Variants in SRGAP1 observed in about 807,000 individuals in gnomAD.
SRGAP1 encodes the protein SLIT-ROBO Rho GTPase activating protein 1, also known as SLIT-ROBO Rho GTPase-activating protein 1.
Under a neutral mutation model 121.9 loss-of-function variants are expected in SRGAP1, and 43 were observed. The observed-to-expected ratio is 0.35, with a 90% CI of 0.28 to 0.46. The LOEUF (loss-of-function observed/expected upper bound fraction) is 0.46. Ranked by LOEUF, SRGAP1 falls within the 20% of genes least tolerant of loss-of-function variation. SRGAP1 has a pLI of 1.00. For synonymous variants in SRGAP1, 447 were observed against 485.4 expected (o/e 0.92, Z 1.04); for missense variants, 1,102 against 1,350.9 (o/e 0.82, Z 2.89).
intron 4 of SRGAP1, among the ~76,000 whole-genome samples, chr12:64,028,789 C>G (rs940728288): frequency 3.3e-5 from 5 of 152,172 alleles, no homozygotes; most frequent in Non-Finnish European, 5.9e-5. Flanking sequence ...CTGTCATCAC[C>G]TTGGGAAGTT....
chr12:63,906,991 G>A (rs965393841), intron 1 of SRGAP1, among the ~76,000 whole-genome samples: 2 of 151,620 alleles, frequency 1.3e-5, no homozygotes, highest in Non-Finnish European at 2.9e-5. Context: ...TTTCCAAAAT[G>A]GAAACACAAA....
rs747459133 is a variant in SRGAP1, at chr12:63,911,915, A to G, written c.67+67032A>G. Among the ~76,000 whole-genome samples the G allele has an allele frequency of 1.1e-4, 16 of 152,062 alleles. No individual in the cohort carries two copies. In the Middle Eastern group the frequency reaches 0.01, roughly 97 times the overall value. On this transcript the variant is annotated intron_variant, in intron 1 of 21. Transcript: ENST00000355086. Reference sequence around the variant, plus strand: ...TCCATTGATTTTCCTTAGTCATTTTACTCCAGAGGCCTATAATTAGCTCTA... The same window carrying G: ...TCCATTGATTTTCCTTAGTCATTTTGCTCCAGAGGCCTATAATTAGCTCTA...
At chr12:63,973,249 A>G (rs2033007453) in intron 1 of SRGAP1, among the ~76,000 whole-genome samples, 1 of 152,222 alleles carries the variant, frequency 6.6e-6, no homozygotes, top group South Asian at 2.1e-4. Context: ...TATACATTCT[A>G]ATATATTCTA....
chr12:63,982,774 T>C (rs975409296), intron 1 of SRGAP1: 1 of 152,242 alleles, frequency 6.6e-6, no homozygotes, highest in Non-Finnish European at 1.5e-5. Context: ...ACTTAGGTCT[T>C]AGAACAAAAA....
At chr12:63,922,299 C>A (rs117469084) in intron 1 of SRGAP1, among the ~76,000 whole-genome samples, 2,842 of 152,220 alleles carry the variant, frequency 0.019, 45 homozygotes, top group Admixed American at 0.033. Flanking sequence ...GATTTCTAAT[C>A]TATGGAATTT....
At chr12:64,097,560 C>T (rs546080129) in intron 15 of SRGAP1, 185 bp downstream of exon 15, 59 of 559,904 alleles carry the variant, frequency 1.1e-4, no homozygotes, top group African/African-American at 7.7e-4. Flanking sequence ...GCCTCACCCT[C>T]GGCTGAGTGG....
Position 63,913,395 on chromosome 12 carries a change from G to A in SRGAP1, c.67+68512G>A, listed in dbSNP as rs112532553. On this transcript the variant is annotated intron_variant, in intron 1 of 21. Coordinates refer to ENST00000355086, the MANE Select transcript of SRGAP1 (RefSeq NM_020762.4). Reference sequence around the variant, plus strand: ...CTGGTCTTGAACTCTTGGCTCAAGCGATCCTCCCACCTTGGCCTCCCAAGG... The same window carrying A: ...CTGGTCTTGAACTCTTGGCTCAAGCAATCCTCCCACCTTGGCCTCCCAAGG... 4.2e-3 allele frequency among the ~76,000 whole-genome samples: 606 copies of A among 144,370 alleles called. 3 individuals are homozygous for A. The highest frequency in any genetic ancestry group is 0.014 in the African/African-American group (543 of 39,504). 94.7% of individuals were successfully genotyped at this position (144,370 alleles called of 152,430 possible).
intron 4 of SRGAP1, among the ~76,000 whole-genome samples, chr12:64,037,044 G>A (rs919455102): frequency 6.6e-5 from 10 of 152,326 alleles, no homozygotes; most frequent in Middle Eastern, 3.4e-3. Flanking sequence ...TTGGCAATCA[G>A]AAGAATAAGA....
chr12:64,142,871 T>A lies in SRGAP1; in HGVS notation c.*199T>A. On this transcript the variant is annotated 3_prime_UTR_variant, in exon 22 of 22. Transcript: ENST00000355086. ...GTATTTTGTAATTTTTTTAAATAAC[T>A]GGACATATGTCATTTTAAGGACAAT... 1.5e-6 allele frequency: 1 copy of A among 680,722 alleles called. No individual in the cohort carries two copies. Among genetic ancestry groups the A allele is most frequent in the Non-Finnish European group, 2.4e-6 (1 of 415,758 alleles). The allele number at this position is 680,722 out of a possible 1,614,324, so 42.2% of individuals were successfully genotyped here. A position where few individuals can be genotyped will look rare whatever the true frequency, so the allele number is the denominator to read the frequency against.
intron 1 of SRGAP1, among the ~76,000 whole-genome samples, chr12:63,961,400 G>C (rs2032638746): frequency 6.6e-6 from 1 of 152,182 alleles, no homozygotes; most frequent in African/African-American, 2.4e-5. Context: ...CCCCAGCTCT[G>C]CTCCTCACTG....
chr12:64,152,923 A>C lies in SRGAP1; in HGVS notation c.*10251A>C, dbSNP rs528841891. 5 of 151,406 alleles carry C rather than the reference A, an allele frequency of 3.3e-5. No individual in the cohort carries two copies. The South Asian group carries it at 8.3e-4, about 25-fold the overall frequency. 9.4% of individuals were successfully genotyped at this position (151,406 alleles called of 1,614,324 possible). On this transcript the variant is annotated 3_prime_UTR_variant, in exon 22 of 22. Coordinates refer to ENST00000355086, the MANE Select transcript of SRGAP1 (RefSeq NM_020762.4). ...TCCTGGTATGATTTAAAAAAAAAAA[A>C]AAAAAAAAAAAAACCACTACATAAG...
rs1240590074 is a variant in SRGAP1 at position 64,150,190 on chromosome 12, G to C, written c.*7518G>C. The C allele has an allele frequency of 6.6e-6, 1 of 152,172 alleles. No individual in the cohort carries two copies. Among genetic ancestry groups the C allele is most frequent in the East Asian group, 1.9e-4 (1 of 5,180 alleles). 9.4% of individuals were successfully genotyped at this position (152,172 alleles called of 1,614,324 possible). On this transcript the variant is annotated 3_prime_UTR_variant, in exon 22 of 22. Transcript: ENST00000355086. ...TGCGGAGGGGTTGGGAAGAGAGATTGCTCCTCCCGCAGTGCTGAAACAACA... is the reference window on the plus strand; with the variant it reads ...TGCGGAGGGGTTGGGAAGAGAGATTCCTCCTCCCGCAGTGCTGAAACAACA...
In SRGAP1 at chr12:64,097,309, T is replaced by C. The variant is rs746150937; in HGVS notation, c.1747T>C (p.Tyr583His). 6.2e-7 allele frequency: 1 copy of C among 1,613,546 alleles called. No homozygotes were observed. Among genetic ancestry groups the C allele is most frequent in the Non-Finnish European group, 8.5e-7 (1 of 1,179,848 alleles). The change falls in exon 15 of 22, where the codon TAT becomes CAT. Residue 583 changes from tyrosine (Y) to histidine (H), a missense_variant. By Grantham distance (83) the Tyr-to-His change is moderately conservative (BLOSUM62 2). This residue lies in a region of SRGAP1 where 747 missense variants were observed against 929.4 expected (regional missense o/e 0.80). Transcript: ENST00000355086. ...INSVAGVLKLYFRGLENPLFP... is the reference protein window; with the variant it reads ...INSVAGVLKLHFRGLENPLFP... Reference sequence around the variant, plus strand: ...CTCAGTTGCTGGCGTTCTGAAGCTCTATTTCCGTGGGCTGGAAAACCCCCT... The same window carrying C: ...CTCAGTTGCTGGCGTTCTGAAGCTCCATTTCCGTGGGCTGGAAAACCCCCT...
intron 17 of SRGAP1, among the ~76,000 whole-genome samples, chr12:64,113,124 A>AAG (rs2136618023): frequency 6.6e-6 from 1 of 151,788 alleles, no homozygotes; most frequent in Non-Finnish European, 1.5e-5. Context: ...AAAAAAAAAA[A>AAG]AGGCTGGGCG....
At chr12:63,993,538 G>A (rs1440701673) in intron 3 of SRGAP1, among the ~76,000 whole-genome samples, 1 of 152,130 alleles carries the variant, frequency 6.6e-6, no homozygotes, top group African/African-American at 2.4e-5. Context: ...ACTTCCGCAT[G>A]TTTCAATAAT....
chr12:63,943,910 C>T (rs1017853595), intron 1 of SRGAP1, among the ~76,000 whole-genome samples: 7 of 152,002 alleles, frequency 4.6e-5, no homozygotes, highest in African/African-American at 1.7e-4. Flanking sequence ...TTCAGAAAAT[C>T]CAAGAATGTA....
At chr12:64,056,792 G>C (rs528648514) in intron 6 of SRGAP1, among the ~76,000 whole-genome samples, 23 of 151,948 alleles carry the variant, frequency 1.5e-4, no homozygotes, top group South Asian at 4.2e-4. Context: ...TTCTCGCCTG[G>C]GGCCTTTGCA....
chr12:64,085,591 G>A (rs1205389322), intron 10 of SRGAP1, among the ~76,000 whole-genome samples: 1 of 152,016 alleles, frequency 6.6e-6, no homozygotes, highest in Non-Finnish European at 1.5e-5. Context: ...GCCGAACACT[G>A]CCATTAGGAT....
chr12:63,905,005 C>T (rs1237417482), intron 1 of SRGAP1, among the ~76,000 whole-genome samples: 1 of 152,118 alleles, frequency 6.6e-6, no homozygotes, highest in Non-Finnish European at 1.5e-5. Flanking sequence ...TGCTACCCTC[C>T]CCCAAAGGCA....
Sources: allele counts gnomAD v4.1 joint callset (sites outside exome capture counted in the v4.1 genomes callset), GRCh38; gene constraint gnomAD v4.1.1; regional missense constraint gnomAD v4.1.1; transcripts MANE v1.5; gene names NCBI Gene and HGNC (gene_info 2026-07-23, HGNC 2026-07-21).